The following ADAMTSL1 variants were observed in gnomAD, a reference collection of about 807,000 sequenced individuals.
ADAMTSL1 encodes ADAMTS-like protein 1.
A neutral mutation model predicts 201.8 loss-of-function variants in ADAMTSL1; 126 were observed. The ratio of observed to expected loss-of-function variants is 0.62; its 90% CI spans 0.54 to 0.72. The LOEUF (loss-of-function observed/expected upper bound fraction) is 0.72. Among genes scored for constraint, ADAMTSL1 ranks in the 30% least tolerant of loss-of-function variants. The probability of loss-of-function intolerance (pLI) is 0.00; values close to 1 mark genes in which losing one functional copy is unlikely to be tolerated. For synonymous variants in ADAMTSL1, 1,121 were observed against 903.4 expected (o/e 1.24, Z -4.32); for missense variants, 2,679 against 2,277.8 (o/e 1.18, Z -3.59).
chr9:18,832,262 C>A (rs556488186), intron 23 of ADAMTSL1, among the ~76,000 whole-genome samples: 1 of 152,156 alleles, frequency 6.6e-6, no homozygotes, highest in Non-Finnish European at 1.5e-5. Flanking sequence ...CCCATCTGGA[C>A]AAGCTCCCAT....
At chr9:18,358,096 T>G (rs1836336024) in intron 2 of ADAMTSL1, among the ~76,000 whole-genome samples, 1 of 152,186 alleles carries the variant, frequency 6.6e-6, no homozygotes, top group Non-Finnish European at 1.5e-5. Flanking sequence ...ACATGTTACT[T>G]TGGTCAAGTC....
At chr9:18,601,334 A>G (rs1442591518) in intron 4 of ADAMTSL1, among the ~76,000 whole-genome samples, 1 of 152,242 alleles carries the variant, frequency 6.6e-6, no homozygotes, top group African/African-American at 2.4e-5. Flanking sequence ...AACCAAACAG[A>G]AAGCTCAAAG....
intron 23 of ADAMTSL1, among the ~76,000 whole-genome samples, chr9:18,882,718 G>A (rs1434268664): frequency 6.6e-6 from 1 of 152,144 alleles, no homozygotes; most frequent in African/African-American, 2.4e-5. Flanking sequence ...ACAGGGCCAG[G>A]CAAGGTGGCT....
chr9:18,497,157 A>C (rs555898519), intron 1 of ADAMTSL1, among the ~76,000 whole-genome samples: 11 of 152,368 alleles, frequency 7.2e-5, no homozygotes, highest in South Asian at 4.1e-4. Context: ...TTTCATTTTT[A>C]GAACTCCAGG....
At chr9:18,075,670 A>G (rs939850763) in intron 1 of ADAMTSL1, among the ~76,000 whole-genome samples, 3 of 152,236 alleles carry the variant, frequency 2.0e-5, no homozygotes, top group African/African-American at 7.2e-5. Flanking sequence ...CATAGCCAAC[A>G]TCGGAAAATG....
chr9:17,946,183 A>G (rs1442756603), intron 1 of ADAMTSL1, among the ~76,000 whole-genome samples: 1 of 151,074 alleles, frequency 6.6e-6, no homozygotes, highest in Admixed American at 6.6e-5. Flanking sequence ...TATTTTGAGT[A>G]GAGATGAGGT....
At chr9:18,567,431 A>G (rs901982161) in intron 3 of ADAMTSL1, among the ~76,000 whole-genome samples, 1 of 152,154 alleles carries the variant, frequency 6.6e-6, no homozygotes, top group Non-Finnish European at 1.5e-5. Flanking sequence ...ATGCCACTGC[A>G]CTCCAGCCTG....
intron 2 of ADAMTSL1, among the ~76,000 whole-genome samples, chr9:18,254,387 G>A (rs1456272475): frequency 5.1e-5 from 4 of 78,836 alleles, no homozygotes; most frequent in Non-Finnish European, 9.2e-5. Context: ...TTTTGAGATG[G>A]AATCTCGCTC....
chr9:18,870,494 G>GC (rs1827820662), intron 23 of ADAMTSL1, among the ~76,000 whole-genome samples: 1 of 152,098 alleles, frequency 6.6e-6, no homozygotes, highest in Non-Finnish European at 1.5e-5. Flanking sequence ...TCTGGGGTCT[G>GC]CCTGCTAAAA....
chr9:18,359,834 CG>C (rs201716165), intron 2 of ADAMTSL1, among the ~76,000 whole-genome samples: 4,144 of 116,526 alleles, frequency 0.036, 408 homozygotes, highest in African/African-American at 0.069. Context: ...CCCGCCCCCC[CG>C]CCCACACAAA....
At chr9:18,426,542 T>C in intron 2 of ADAMTSL1, among the ~76,000 whole-genome samples, 1 of 152,200 alleles carries the variant, frequency 6.6e-6, no homozygotes, top group Non-Finnish European at 1.5e-5. Context: ...TATTGGTTGA[T>C]TTCTTACTAT....
chr9:18,677,667 A>T (rs1426226057), intron 10 of ADAMTSL1, among the ~76,000 whole-genome samples: 1 of 152,062 alleles, frequency 6.6e-6, no homozygotes, highest in South Asian at 2.1e-4. Context: ...GTTAAAATTG[A>T]TTTCTTATAG....
chr9:18,459,394 C>G (rs1249307063), intron 2 of ADAMTSL1, among the ~76,000 whole-genome samples: 1 of 152,090 alleles, frequency 6.6e-6, no homozygotes, highest in Non-Finnish European at 1.5e-5. Flanking sequence ...TAGCATGGAC[C>G]TAGACCTTTT....
At chr9:18,473,330 A>G (rs951232896), upstream of ADAMTSL1, among the ~76,000 whole-genome samples, 3 of 152,220 alleles carry the variant, frequency 2.0e-5, no homozygotes, top group African/African-American at 7.2e-5. Flanking sequence ...GCTGCTCCTC[A>G]ACCCCAAATT....
chr9:18,321,214 A>G (rs542826380), intron 2 of ADAMTSL1, among the ~76,000 whole-genome samples: 32 of 152,318 alleles, frequency 2.1e-4, no homozygotes, highest in African/African-American at 7.2e-4. Flanking sequence ...CACCCAATAT[A>G]AAGATATTTT....
At chr9:18,700,271 A>G (rs1831845157) in intron 13 of ADAMTSL1, among the ~76,000 whole-genome samples, 1 of 152,132 alleles carries the variant, frequency 6.6e-6, no homozygotes, top group African/African-American at 2.4e-5. Context: ...TAGCATTCCA[A>G]ATGGTGTTTG....
chr9:18,161,016 C>T (rs1827365259), intron 1 of ADAMTSL1, among the ~76,000 whole-genome samples: 1 of 151,702 alleles, frequency 6.6e-6, no homozygotes, highest in Non-Finnish European at 1.5e-5. Flanking sequence ...AAGTTTAGTT[C>T]AGAATTTTTG....
intron 2 of ADAMTSL1, among the ~76,000 whole-genome samples, chr9:18,408,080 T>C (rs553807078): frequency 6.6e-6 from 1 of 152,328 alleles, no homozygotes; most frequent in East Asian, 1.9e-4. Context: ...ATGAGTAGAG[T>C]ATTATAGCCT....
At position 17,952,123 on chromosome 9, in the gene ADAMTSL1, T is replaced by C. The variant is rs186458453; in HGVS notation, c.87+45201T>C. Among the ~76,000 whole-genome samples, 10 of 151,460 alleles carry C rather than the reference T, an allele frequency of 6.6e-5. No individual in the cohort carries two copies. The East Asian group carries it at 7.8e-4, about 12-fold the overall frequency. On this transcript the variant is annotated intron_variant, in intron 1 of 29. Transcript: ENST00000680146. ...GGCTAATTGGTTTCTTTCTTTCTTT[T>C]TTTTTTTTTTTGTAAAGATGGAATC...
Sources: gnomAD v4.1 joint callset for allele counts (sites outside exome capture counted in the v4.1 genomes callset) on GRCh38, gnomAD v4.1.1 for gene constraint, MANE v1.5 for transcripts, NCBI Gene and HGNC (gene_info 2026-07-23, HGNC 2026-07-21) for gene names.